The following MGST1 variants were observed in gnomAD, a reference collection of about 807,000 sequenced individuals.
The protein encoded by MGST1 is glutathione S-transferase 12.
A neutral mutation model predicts 8.9 loss-of-function variants in MGST1; 5 were observed. That is an observed-to-expected ratio of 0.56 (90% confidence interval 0.29 to 1.19). MGST1 has a LOEUF of 1.19. Among genes scored for constraint, MGST1 ranks in the 50% most tolerant of loss-of-function variants. MGST1 has a pLI of 0.08. For missense variants in MGST1, 182 were observed against 187.4 expected, an observed-to-expected ratio of 0.97 and a Z score of 0.17; for synonymous variants, 54 against 67.8, an observed-to-expected ratio of 0.80 and a Z score of 1.00.
rs1368741787 is a variant in MGST1, at chr12:16,513,404, C to T, written n.483-76124C>T. 4.1e-5 allele frequency: 16 copies of T among 385,858 alleles called. No homozygotes were observed. The highest frequency in any genetic ancestry group is 2.0e-4 in the South Asian group (10 of 50,048). The allele number at this position is 385,858 out of a possible 1,614,324, so 23.9% of individuals were successfully genotyped here. On this transcript the variant is annotated intron_variant and non_coding_transcript_variant, in intron 4 of 4. Transcript: ENST00000538857. The surrounding 1 kb of genome is among the most constrained non-coding windows in gnomAD (Gnocchi z 4.2). The stretch of plus-strand genomic sequence containing the variant: ...CCTACCGTCCACCATGGCTCCTCTG[C>T]GCTCCAGCTGCGTCGTCTCCGGGAT...
chr12:16,365,637 A>AG (rs1440844149), downstream of MGST1, among the ~76,000 whole-genome samples: 1 of 152,208 alleles, frequency 6.6e-6, no homozygotes, highest in Admixed American at 6.5e-5. Flanking sequence ...TCTTGGCCTT[A>AG]GGAACGCTTT....
At chr12:16,526,222 G>A (rs1236642662) in intron 4 of MGST1, among the ~76,000 whole-genome samples, 1 of 151,656 alleles carries the variant, frequency 6.6e-6, no homozygotes, top group Non-Finnish European at 1.5e-5. Context: ...CCTTGCCCAT[G>A]CCTATGTCCT....
intron 4 of MGST1, among the ~76,000 whole-genome samples, chr12:16,572,848 C>CT (rs1466363715): frequency 2.0e-5 from 3 of 151,636 alleles, no homozygotes; most frequent in Admixed American, 1.3e-4. Context: ...AAGGATACTA[C>CT]ATTAAGGCCA....
exon 2 of MGST1, chr12:16,437,627 C>G (rs984213865): frequency 4.6e-5 from 7 of 152,040 alleles, no homozygotes; most frequent in African/African-American, 1.7e-4. Flanking sequence ...CTCTCCTTGT[C>G]CAGGGCGCTT....
At chr12:16,448,030 T>C (rs888029874) in intron 4 of MGST1, among the ~76,000 whole-genome samples, 5 of 151,814 alleles carry the variant, frequency 3.3e-5, no homozygotes, top group Non-Finnish European at 7.4e-5. Context: ...TGTATGGTAG[T>C]AGTTGAAAGA....
At chr12:16,432,534 A>G (rs1940947169) in intron 1 of MGST1, among the ~76,000 whole-genome samples, 1 of 152,028 alleles carries the variant, frequency 6.6e-6, no homozygotes, top group Non-Finnish European at 1.5e-5. Flanking sequence ...GTAGCAATGG[A>G]ACAAGCAATG....
At chr12:16,566,458 G>T (rs1591786669) in intron 4 of MGST1, among the ~76,000 whole-genome samples, 1 of 151,986 alleles carries the variant, frequency 6.6e-6, no homozygotes, top group East Asian at 1.9e-4. Context: ...ATGGGTATTT[G>T]AACTACCCTA....
At position 16,544,979 on chromosome 12, in the gene MGST1, T is replaced by A. The variant is rs1209964126; in HGVS notation, n.483-44549T>A. On this transcript the variant is annotated intron_variant and non_coding_transcript_variant, in intron 4 of 4. Transcript: ENST00000538857. This position sits in a 1 kb window ranked among gnomAD's most constrained non-coding sequence, Gnocchi z 4.8. Reference sequence around the variant, plus strand: ...TTTAGCAAACACACTATTTTCTAAATTTTTAAAGGAATTACTAATCTTAGA... The same window carrying A: ...TTTAGCAAACACACTATTTTCTAAAATTTTAAAGGAATTACTAATCTTAGA... Among the ~76,000 whole-genome samples the A allele has an allele frequency of 6.6e-6, 1 of 152,040 alleles. No homozygotes were observed. Among genetic ancestry groups the A allele is most frequent in the African/African-American group, 2.4e-5 (1 of 41,424 alleles).
chr12:16,581,143 T>A (rs1207641842), intron 4 of MGST1, among the ~76,000 whole-genome samples: 1 of 152,166 alleles, frequency 6.6e-6, no homozygotes, highest in East Asian at 1.9e-4. Context: ...TTTGAATGAT[T>A]GAAAATTCAA....
At chr12:16,454,902 A>AAAAAAAAAAAAAAAAAAAAAAAAAAAAAG (rs1555104768) in intron 4 of MGST1, among the ~76,000 whole-genome samples, 1 of 125,996 alleles carries the variant, frequency 7.9e-6, no homozygotes, top group African/African-American at 3.2e-5. Flanking sequence ...AAAAAAAAAA[A>AAAAAAAAAAAAAAAAAAAAAAAAAAAAAG]AAGGAGATGG....
intron 3 of MGST1, among the ~76,000 whole-genome samples, chr12:16,372,967 A>G (rs891567795): frequency 6.8e-6 from 1 of 147,244 alleles, no homozygotes; most frequent in Non-Finnish European, 1.5e-5. Context: ...TACATATTAT[A>G]TATTACATAT....
intron 3 of MGST1, among the ~76,000 whole-genome samples, chr12:16,358,808 T>A (rs67412854): frequency 1.9e-5 from 2 of 106,868 alleles, no homozygotes; most frequent in Admixed American, 1.1e-4. Flanking sequence ...TTTTTTTTTT[T>A]ACAGCTGTGT....
chr12:16,579,922 C>G (rs920323388), intron 4 of MGST1, among the ~76,000 whole-genome samples: 1 of 152,064 alleles, frequency 6.6e-6, no homozygotes, highest in Non-Finnish European at 1.5e-5. Context: ...AACAGAGAAC[C>G]AGGTATCTGT....
chr12:16,402,351 C>T (rs1591718236), intron 1 of MGST1: 1 of 1,602,626 alleles, frequency 6.2e-7, no homozygotes, highest in East Asian at 2.2e-5. Flanking sequence ...TCATCTTCTC[C>T]TTTCTGCCAA....
intron 4 of MGST1, among the ~76,000 whole-genome samples, chr12:16,534,489 G>C (rs1941742543): frequency 6.6e-6 from 1 of 152,104 alleles, no homozygotes; most frequent in African/African-American, 2.4e-5. Flanking sequence ...TATTCTAGGG[G>C]GCTGCATATA....
chr12:16,417,446 T>C (rs1350443653), intron 1 of MGST1, among the ~76,000 whole-genome samples: 1 of 152,118 alleles, frequency 6.6e-6, no homozygotes, highest in Non-Finnish European at 1.5e-5. Context: ...AATGAGATTT[T>C]GGTGGGGACA....
At chr12:16,387,844 T>C (rs7302416) in intron 1 of MGST1, among the ~76,000 whole-genome samples, 93,034 of 151,854 alleles carry the variant, frequency 0.61, 29,618 homozygotes, top group East Asian at 0.93. Context: ...TGTATTTCAC[T>C]GTACCTTTTC....
chr12:16,428,247 T>G (rs1699606996), intron 1 of MGST1, among the ~76,000 whole-genome samples: 1 of 151,836 alleles, frequency 6.6e-6, no homozygotes, highest in Admixed American at 6.6e-5. Flanking sequence ...AGGGATCCTA[T>G]ATTTTGGCTT....
At chr12:16,485,417 C>T (rs568975044) in intron 4 of MGST1, among the ~76,000 whole-genome samples, 8 of 152,190 alleles carry the variant, frequency 5.3e-5, no homozygotes, top group East Asian at 3.9e-4. Flanking sequence ...AGAACTCACC[C>T]GTTACACATG....
Sources: allele counts gnomAD v4.1 joint callset (sites outside exome capture counted in the v4.1 genomes callset), GRCh38; gene constraint gnomAD v4.1.1; non-coding constraint Gnocchi (gnomAD v3.1); transcripts MANE v1.5; gene names NCBI Gene and HGNC (gene_info 2026-07-23, HGNC 2026-07-21).